MLLT3: variants seen among roughly 807,000 people sequenced by gnomAD.
MLLT3 encodes MLLT3 super elongation complex subunit, also known as protein AF-9.
In MLLT3, 4 loss-of-function variants were observed where a neutral mutation model predicts 53.2. The observed-to-expected ratio is 0.08, with a 90% confidence interval of 0.04 to 0.17. MLLT3 has a LOEUF of 0.17. Ranked by LOEUF, MLLT3 falls within the 10% of genes least tolerant of loss-of-function variation. MLLT3 has a pLI of 1.00. For synonymous variants in MLLT3, 283 were observed against 230.6 expected, an observed-to-expected ratio of 1.23 and a Z score of -2.06; for missense variants, 569 against 684.0, an observed-to-expected ratio of 0.83 and a Z score of 1.87.
intron 2 of MLLT3, among the ~76,000 whole-genome samples, chr9:20,466,607 A>G (rs1824243847): frequency 6.6e-6 from 1 of 152,198 alleles, no homozygotes; most frequent in South Asian, 2.1e-4. Context: ...GGCTAAATAG[A>G]TAACAGGATA....
chr9:20,522,771 T>G (rs963525714), intron 2 of MLLT3, among the ~76,000 whole-genome samples: 9 of 151,966 alleles, frequency 5.9e-5, no homozygotes, highest in African/African-American at 2.2e-4. Context: ...ATAAAGGATA[T>G]ACAATATACA....
chr9:20,354,846 T>C lies in MLLT3; in HGVS notation c.1465A>G (p.Lys489Glu). 6.2e-7 allele frequency: 1 copy of C among 1,613,226 alleles called. No homozygotes were observed. Among genetic ancestry groups the C allele is most frequent in the East Asian group, 2.2e-5 (1 of 44,858 alleles). The change falls in exon 9 of 11, where the codon AAA becomes GAA. Residue 489 changes from lysine (K) to glutamate (E), a missense_variant. Coordinates refer to ENST00000380338, the MANE Select transcript of MLLT3 (RefSeq NM_004529.4). Reference sequence around the variant, plus strand: ...CCATTCTTTATTTGCTTATCTGATTTGCTTTGCTTTATTGGACTTTTCACT... The same window carrying C: ...CCATTCTTTATTTGCTTATCTGATTCGCTTTGCTTTATTGGACTTTTCACT... ...LEVKSPIKQS[K>E]SDKQIKNGEC...
At chr9:20,397,931 A>G (rs927369097) in intron 5 of MLLT3, among the ~76,000 whole-genome samples, 1 of 152,146 alleles carries the variant, frequency 6.6e-6, no homozygotes, top group Non-Finnish European at 1.5e-5. Flanking sequence ...CAAAGACACA[A>G]CTAAGACCCT....
intron 5 of MLLT3, among the ~76,000 whole-genome samples, chr9:20,401,576 G>A (rs1407885943): frequency 2.0e-5 from 3 of 152,088 alleles, no homozygotes; most frequent in African/African-American, 4.8e-5. Flanking sequence ...TTCTAACAAC[G>A]TGGCAGCTAG....
At chr9:20,600,793 A>G (rs937729182) in intron 2 of MLLT3, among the ~76,000 whole-genome samples, 5 of 152,224 alleles carry the variant, frequency 3.3e-5, no homozygotes, top group African/African-American at 7.2e-5. Context: ...TCATCCAGCC[A>G]TAACTATAGA....
chr9:20,350,457 T>A (rs932344207), intron 10 of MLLT3, among the ~76,000 whole-genome samples: 2 of 150,938 alleles, frequency 1.3e-5, no homozygotes, highest in Non-Finnish European at 2.9e-5. Context: ...TAGCCGGGCG[T>A]GGTGGCGGGC....
chr9:20,359,562 A>G (rs1458634767), intron 8 of MLLT3, among the ~76,000 whole-genome samples: 1 of 152,382 alleles, frequency 6.6e-6, no homozygotes, highest in East Asian at 1.9e-4. Flanking sequence ...ATTCCTACTT[A>G]ACAAGAACGG....
chr9:20,459,773 T>C (rs578004190), intron 2 of MLLT3, among the ~76,000 whole-genome samples: 35 of 152,322 alleles, frequency 2.3e-4, no homozygotes, highest in African/African-American at 7.0e-4. Flanking sequence ...TAATATTGTA[T>C]AGAAGTGTGA....
At chr9:20,409,917 CA>C (rs1822679935) in intron 5 of MLLT3, among the ~76,000 whole-genome samples, 1 of 152,006 alleles carries the variant, frequency 6.6e-6, no homozygotes, top group Non-Finnish European at 1.5e-5. Flanking sequence ...CAGCAGAAAA[CA>C]AAAATGAAAA....
At chr9:20,403,737 G>A (rs759696018) in intron 5 of MLLT3, among the ~76,000 whole-genome samples, 1 of 152,170 alleles carries the variant, frequency 6.6e-6, no homozygotes, top group East Asian at 1.9e-4. Context: ...ACTAGGACAC[G>A]TGAAAATAGA....
At chr9:20,423,190 C>T (rs1823056592) in intron 4 of MLLT3, among the ~76,000 whole-genome samples, 1 of 152,090 alleles carries the variant, frequency 6.6e-6, no homozygotes, top group Non-Finnish European at 1.5e-5. Context: ...TGCACCACCA[C>T]TATATTTTTA....
chr9:20,578,303 CT>C (rs1819706815), intron 2 of MLLT3, among the ~76,000 whole-genome samples: 1 of 152,116 alleles, frequency 6.6e-6, no homozygotes, highest in African/African-American at 2.4e-5. Flanking sequence ...TTGAATCACT[CT>C]GAACTAACAT....
intron 2 of MLLT3, among the ~76,000 whole-genome samples, chr9:20,526,290 C>T (rs1174344613): frequency 6.6e-6 from 1 of 152,150 alleles, no homozygotes; most frequent in Non-Finnish European, 1.5e-5. Flanking sequence ...TAAACTACCT[C>T]TCAGTTCAAG....
intron 2 of MLLT3, among the ~76,000 whole-genome samples, chr9:20,577,085 C>G (rs1021945165): frequency 6.6e-6 from 1 of 152,142 alleles, no homozygotes; most frequent in Non-Finnish European, 1.5e-5. Context: ...ATTATCTTGA[C>G]CTCTAAAAAT....
At chr9:20,500,457 C>A (rs1481586261) in intron 2 of MLLT3, among the ~76,000 whole-genome samples, 2 of 152,098 alleles carry the variant, frequency 1.3e-5, no homozygotes, top group Admixed American at 1.3e-4. Context: ...AACCTAGCTT[C>A]AAAAAGAAAA....
chr9:20,347,264 T>C (rs1020015365), intron 10 of MLLT3, among the ~76,000 whole-genome samples: 6 of 152,162 alleles, frequency 3.9e-5, no homozygotes, highest in African/African-American at 1.4e-4. Flanking sequence ...TGCTTTGTTA[T>C]ACTTTAACAT....
At chr9:20,605,407 G>C (rs1820537014) in intron 2 of MLLT3, among the ~76,000 whole-genome samples, 1 of 151,988 alleles carries the variant, frequency 6.6e-6, no homozygotes, top group South Asian at 2.1e-4. Context: ...TAAATCAAGT[G>C]TCTGAAGAAT....
chr9:20,506,124 G>A (rs1341647490), intron 2 of MLLT3, among the ~76,000 whole-genome samples: 5 of 149,392 alleles, frequency 3.3e-5, no homozygotes, highest in Admixed American at 6.7e-5. Context: ...GCACGATTTC[G>A]GCTCACTGCA....
intron 2 of MLLT3, among the ~76,000 whole-genome samples, chr9:20,520,007 C>T (rs563193739): frequency 9.2e-5 from 14 of 152,260 alleles, no homozygotes; most frequent in Non-Finnish European, 1.8e-4. Context: ...CCATGGAATA[C>T]TATGTAACCA....
Sources: allele counts gnomAD v4.1 joint callset (sites outside exome capture counted in the v4.1 genomes callset), GRCh38; gene constraint gnomAD v4.1.1; transcripts MANE v1.5; gene names NCBI Gene and HGNC (gene_info 2026-07-23, HGNC 2026-07-21).